Variants in C8orf34 observed in about 807,000 individuals in gnomAD.
C8orf34 encodes uncharacterized protein C8orf34.
In C8orf34, 65 loss-of-function variants were observed where a neutral mutation model predicts 68.3. The ratio of observed to expected loss-of-function variants is 0.95; its 90% CI spans 0.78 to 1.17. The LOEUF (loss-of-function observed/expected upper bound fraction) is 1.17. C8orf34 is among the 50% of genes most tolerant of loss of function. C8orf34 has a pLI of 0.00. For missense variants in C8orf34, 664 were observed against 655.4 expected (o/e 1.01, Z -0.14); for synonymous variants, 244 against 241.2 (o/e 1.01, Z -0.11).
intron 7 of C8orf34, chr8:68,534,547 G>A (rs935467764): frequency 2.4e-6 from 2 of 845,648 alleles, no homozygotes; most frequent in South Asian, 5.4e-5. Context: ...ACCTAAAGCA[G>A]AGGTAAGGGA....
intron 8 of C8orf34, among the ~76,000 whole-genome samples, chr8:68,677,251 C>T (rs1420593246): frequency 6.6e-6 from 1 of 152,106 alleles, no homozygotes; most frequent in Non-Finnish European, 1.5e-5. Flanking sequence ...ACACACATAC[C>T]AGAACCTATG....
At chr8:68,646,840 C>T (rs1675930314) in intron 8 of C8orf34, among the ~76,000 whole-genome samples, 1 of 152,094 alleles carries the variant, frequency 6.6e-6, no homozygotes, top group East Asian at 1.9e-4. Context: ...TATATATATA[C>T]CACATTTTGT....
At chr8:68,370,242 C>T (rs1029843169) in intron 1 of C8orf34, among the ~76,000 whole-genome samples, 1 of 152,180 alleles carries the variant, frequency 6.6e-6, no homozygotes, top group African/African-American at 2.4e-5. Flanking sequence ...CTTCTACAGA[C>T]ACCCTGACTG....
chr8:68,702,127 A>G (rs1240552644), intron 8 of C8orf34, among the ~76,000 whole-genome samples: 1 of 152,006 alleles, frequency 6.6e-6, no homozygotes, highest in African/African-American at 2.4e-5. Context: ...CAGTCGGCAT[A>G]ATGTAATCTC....
At chr8:68,381,430 C>A (rs571415131) in intron 1 of C8orf34, among the ~76,000 whole-genome samples, 1 of 152,178 alleles carries the variant, frequency 6.6e-6, no homozygotes, top group Non-Finnish European at 1.5e-5. Context: ...CAACACACAT[C>A]ATTTAAAATA....
chr8:68,742,712 C>G (rs932160586), intron 10 of C8orf34, among the ~76,000 whole-genome samples: 1 of 152,084 alleles, frequency 6.6e-6, no homozygotes, highest in African/African-American at 2.4e-5. Flanking sequence ...TGTCTTCTGC[C>G]CTTTCACCAA....
chr8:68,742,506 T>G (rs1822331435), intron 10 of C8orf34, among the ~76,000 whole-genome samples: 1 of 152,210 alleles, frequency 6.6e-6, no homozygotes, highest in Non-Finnish European at 1.5e-5. Context: ...GAGGTTTAAA[T>G]TATCGTGTTC....
chr8:68,548,627 T>C (rs1815966289), intron 7 of C8orf34, among the ~76,000 whole-genome samples: 1 of 151,796 alleles, frequency 6.6e-6, no homozygotes, highest in South Asian at 2.1e-4. Context: ...TTTAGCAGTG[T>C]CTCATAAAGT....
At chr8:68,416,317 T>C (rs973057020) in intron 1 of C8orf34, among the ~76,000 whole-genome samples, 8 of 152,306 alleles carry the variant, frequency 5.3e-5, no homozygotes, top group African/African-American at 1.4e-4. Flanking sequence ...ATCAATATGT[T>C]CTATAATTTG....
chr8:68,384,440 T>C (rs1441620561), intron 1 of C8orf34, among the ~76,000 whole-genome samples: 1 of 152,244 alleles, frequency 6.6e-6, no homozygotes, highest in East Asian at 1.9e-4. Context: ...TGCTTCTGGG[T>C]CTGCGCTTTT....
intron 1 of C8orf34, among the ~76,000 whole-genome samples, chr8:68,386,843 G>A (rs1808283308): frequency 6.6e-6 from 1 of 152,016 alleles, no homozygotes; most frequent in Non-Finnish European, 1.5e-5. Flanking sequence ...TGGCAGCATT[G>A]CTGGCTTTTA....
intron 6 of C8orf34, among the ~76,000 whole-genome samples, chr8:68,529,158 A>G (rs1174869294): frequency 6.6e-6 from 1 of 152,154 alleles, no homozygotes; most frequent in Non-Finnish European, 1.5e-5. Flanking sequence ...TCAATTTACA[A>G]AGAAGCTCCT....
At chr8:68,545,306 G>T (rs1033672731) in intron 7 of C8orf34, among the ~76,000 whole-genome samples, 1 of 152,026 alleles carries the variant, frequency 6.6e-6, no homozygotes, top group South Asian at 2.1e-4. Context: ...CATGTATTTT[G>T]CCTTCCTCCA....
intron 7 of C8orf34, among the ~76,000 whole-genome samples, chr8:68,559,185 C>T (rs772877206): frequency 2.0e-5 from 3 of 152,120 alleles, no homozygotes; most frequent in African/African-American, 4.8e-5. Flanking sequence ...GACCAGAGGT[C>T]ACTGATTGCA....
Position 68,468,703 on chromosome 8 carries a change from G to A in C8orf34, c.619G>A (p.Val207Ile). ...SPDSKSLPRS[V>I]EHPKWNWRTK... ...TTTTTTAAACATAGTGCCAAGGTCAGTAGAGCATCCAAAGTGGAACTGGAG... is the reference window on the plus strand; with the variant it reads ...TTTTTTAAACATAGTGCCAAGGTCAATAGAGCATCCAAAGTGGAACTGGAG... Residue 207 changes from valine to isoleucine, a missense_variant, in exon 4 of 14, where the codon GTA becomes ATA. Transcript: ENST00000518698. 9.3e-6 allele frequency: 15 copies of A among 1,612,478 alleles called. No individual in the cohort carries two copies. The highest frequency in any genetic ancestry group is 1.3e-5 in the Non-Finnish European group (15 of 1,179,106).
intron 1 of C8orf34, among the ~76,000 whole-genome samples, chr8:68,361,600 T>A (rs1385878861): frequency 1.3e-5 from 2 of 152,246 alleles, no homozygotes; most frequent in Admixed American, 1.3e-4. Flanking sequence ...CTTCCTTACA[T>A]TTTCCATTTC....
At chr8:68,563,509 TA>T (rs1816495434) in intron 7 of C8orf34, among the ~76,000 whole-genome samples, 1 of 152,182 alleles carries the variant, frequency 6.6e-6, no homozygotes, top group Non-Finnish European at 1.5e-5. Flanking sequence ...AAAGGGTTTT[TA>T]AAAGGTGTTT....
intron 3 of C8orf34, among the ~76,000 whole-genome samples, chr8:68,462,318 T>G (rs1242176531): frequency 6.6e-6 from 1 of 152,126 alleles, no homozygotes. Context: ...ACAAAGGGAC[T>G]TAGACTCCCA....
At chr8:68,533,402 A>G (rs1013619941) in intron 7 of C8orf34, 16 of 1,172,622 alleles carry the variant, frequency 1.4e-5, no homozygotes, top group Non-Finnish European at 1.6e-5. Flanking sequence ...CTGACTACGT[A>G]ATGAAGCGTT....
Sources: gnomAD v4.1 joint callset for allele counts (sites outside exome capture counted in the v4.1 genomes callset) on GRCh38, gnomAD v4.1.1 for gene constraint, MANE v1.5 for transcripts, NCBI Gene and HGNC (gene_info 2026-07-23, HGNC 2026-07-21) for gene names.